Variants in CADPS observed in about 807,000 individuals in gnomAD.
The protein encoded by CADPS is calcium-dependent secretion activator 1.
A neutral mutation model predicts 167.3 loss-of-function variants in CADPS; 57 were observed. The ratio of observed to expected loss-of-function variants is 0.34; its 90% CI spans 0.28 to 0.42. The LOEUF is 0.42. Ranked by LOEUF, CADPS falls within the 20% of genes least tolerant of loss-of-function variation. The pLI is 1.00. For missense variants in CADPS, 1,414 were observed against 1,738.1 expected, an observed-to-expected ratio of 0.81 and a Z score of 3.32; for synonymous variants, 676 against 635.3, an observed-to-expected ratio of 1.06 and a Z score of -0.96.
At position 62,514,838 on chromosome 3, in the gene CADPS, C is replaced by T. The variant is rs1175789748; in HGVS notation, c.2581+1221G>A. Among the ~76,000 whole-genome samples the T allele has an allele frequency of 2.0e-5, 3 of 152,222 alleles. No homozygotes were observed. The highest frequency in any genetic ancestry group is 3.9e-4 in the East Asian group (2 of 5,170). On this transcript the variant is annotated intron_variant, in intron 16 of 29. Coordinates refer to ENST00000383710, the MANE Select transcript of CADPS (RefSeq NM_003716.4). The surrounding 1 kb of genome is among the most constrained non-coding windows in gnomAD (Gnocchi z 4.2). ...CGTCCTGGGACAGTAAATGCTGGAA[C>T]AATTATTTGCTAATATAGCCCTTTA...
At chr3:62,566,003 G>A (rs148118540) in intron 9 of CADPS, among the ~76,000 whole-genome samples, 2,523 of 152,256 alleles carry the variant, frequency 0.017, 33 homozygotes, top group Non-Finnish European at 0.027. Context: ...GACAATTTTC[G>A]TTGTTTTAAA....
intron 11 of CADPS, 98 bp downstream of exon 11, chr3:62,549,805 A>G (rs1257657600): frequency 4.4e-6 from 4 of 915,866 alleles, no homozygotes; most frequent in East Asian, 2.5e-5. Context: ...ATGATTTTAT[A>G]AATTTTAAGT....
chr3:62,655,971 C>G (rs2071453980), intron 4 of CADPS, among the ~76,000 whole-genome samples: 1 of 152,092 alleles, frequency 6.6e-6, no homozygotes, highest in African/African-American at 2.4e-5. Flanking sequence ...TCAAGGAACT[C>G]ATCCAGTCCA....
intron 9 of CADPS, among the ~76,000 whole-genome samples, chr3:62,566,487 C>G (rs1056958307): frequency 3.3e-5 from 5 of 152,156 alleles, no homozygotes; most frequent in African/African-American, 1.2e-4. Context: ...CTTGAACTTT[C>G]CTCCTGCAGC....
At chr3:62,793,953 T>C (rs1407020402) in intron 1 of CADPS, among the ~76,000 whole-genome samples, 1 of 152,264 alleles carries the variant, frequency 6.6e-6, no homozygotes, top group South Asian at 2.1e-4. Context: ...AGCCAAGAAG[T>C]CCAGGCAAAA....
chr3:62,840,902 C>T (rs565968396), intron 1 of CADPS, among the ~76,000 whole-genome samples: 130 of 152,262 alleles, frequency 8.5e-4, no homozygotes, highest in Admixed American at 1.8e-3. Context: ...CTGCTAATCT[C>T]TTGTGATATA....
chr3:62,572,597 C>T (rs1157749225), intron 8 of CADPS, among the ~76,000 whole-genome samples: 8 of 152,178 alleles, frequency 5.3e-5, no homozygotes, highest in African/African-American at 1.9e-4. Context: ...GGTCCCACAT[C>T]TGTTCACCTA....
chr3:62,539,578 G>GA (rs1405524218), intron 11 of CADPS, among the ~76,000 whole-genome samples: 1 of 151,640 alleles, frequency 6.6e-6, no homozygotes, highest in Non-Finnish European at 1.5e-5. Context: ...AGGTGCTAAT[G>GA]AAAAAAATCT....
chr3:62,857,455 G>T (rs1996092), intron 1 of CADPS, among the ~76,000 whole-genome samples: 3,469 of 152,022 alleles, frequency 0.023, 54 homozygotes, highest in East Asian at 0.066. Flanking sequence ...AGAATGTATA[G>T]AGTAGTAAAA....
chr3:62,516,099 T>A lies in CADPS; in HGVS notation c.2541A>T (p.Leu847Phe), dbSNP rs1161100134. 4 of 1,613,324 alleles carry A rather than the reference T, an allele frequency of 2.5e-6. No homozygotes were observed. Among genetic ancestry groups the A allele is most frequent in the Non-Finnish European group, 3.4e-6 (4 of 1,179,444 alleles). ...ACTCTGAGAGCCGAGAATAGTTGAC[T>A]AACGCAGCCTGTTCCAGACATTTAC... is the stretch of plus-strand genomic sequence containing the variant. ...VIRKCLEQAA[L>F]VNYSRLSEYA... Residue 847 changes from leucine (L) to phenylalanine (F), a missense_variant, in exon 16 of 30, where the codon TTA becomes TTT. This residue lies in a region of CADPS where 529 missense variants were observed against 629.6 expected (regional missense o/e 0.84). Coordinates refer to ENST00000383710, the MANE Select transcript of CADPS (RefSeq NM_003716.4).
At position 62,696,622 on chromosome 3, in the gene CADPS, G is replaced by A. The variant is rs150522004; in HGVS notation, c.889-34228C>T. ...CTCTAGGGGATGGGGGCTGCTGCCCGTCATTGCTGCCTATATGATATCTTA... is the reference window on the plus strand; with the variant it reads ...CTCTAGGGGATGGGGGCTGCTGCCCATCATTGCTGCCTATATGATATCTTA... On this transcript the variant is annotated intron_variant, in intron 3 of 29. Transcript: ENST00000383710. 2.2e-3 allele frequency among the ~76,000 whole-genome samples: 341 copies of A among 152,176 alleles called. 3 individuals carry two copies. The highest frequency in any genetic ancestry group is 7.9e-3 in the African/African-American group (330 of 41,516).
At chr3:62,518,983 A>G (rs2367087) in intron 13 of CADPS, among the ~76,000 whole-genome samples, 100,079 of 152,058 alleles carry the variant, frequency 0.66, 35,259 homozygotes, top group Non-Finnish European at 0.79. Context: ...AAATGATTTC[A>G]GTTTGATCAT....
intron 9 of CADPS, among the ~76,000 whole-genome samples, chr3:62,563,673 C>T (rs1577888565): frequency 6.6e-6 from 1 of 152,114 alleles, no homozygotes; most frequent in Admixed American, 6.5e-5. Context: ...AATTTGTGGT[C>T]TTTTATCCCT....
Position 62,434,788 on chromosome 3 carries a change from A to T in CADPS, c.3777+3316T>A, listed in dbSNP as rs1315251570. ...ACCAGCTATTAATCCAAATATTCTC[A>T]AATACAAACACACACTAAAACCATC... On this transcript the variant is annotated intron_variant, in intron 28 of 29. Transcript: ENST00000383710. Among the ~76,000 whole-genome samples, 3 of 152,172 alleles carry T rather than the reference A, an allele frequency of 2.0e-5. No individual in the cohort carries two copies. The East Asian group carries it at 5.8e-4, about 29-fold the overall frequency.
chr3:62,405,446 A>C (rs1361936342), intron 28 of CADPS, among the ~76,000 whole-genome samples: 1 of 82,630 alleles, frequency 1.2e-5, no homozygotes, highest in Non-Finnish European at 3.1e-5. Context: ...GCCACCTTTC[A>C]GGAAAAAAAA....
intron 27 of CADPS, among the ~76,000 whole-genome samples, chr3:62,443,538 G>A (rs1225235884): frequency 6.6e-6 from 1 of 152,078 alleles, no homozygotes; most frequent in South Asian, 2.1e-4. Flanking sequence ...TCATGGGAGG[G>A]ACCCAGTAGG....
intron 9 of CADPS, among the ~76,000 whole-genome samples, chr3:62,565,017 T>G (rs778839872): frequency 6.6e-5 from 10 of 152,336 alleles, no homozygotes; most frequent in Non-Finnish European, 1.3e-4. Flanking sequence ...ACTGTTCTCC[T>G]TACACACACA....
chr3:62,415,612 T>C (rs949160810), intron 28 of CADPS, among the ~76,000 whole-genome samples: 1 of 152,224 alleles, frequency 6.6e-6, no homozygotes, highest in Non-Finnish European at 1.5e-5. Context: ...AGGGCTGGGC[T>C]GTCAGCGGGG....
chr3:62,706,966 A>G (rs2082422213), intron 3 of CADPS, among the ~76,000 whole-genome samples: 1 of 152,102 alleles, frequency 6.6e-6, no homozygotes, highest in Non-Finnish European at 1.5e-5. Flanking sequence ...CATGTAACAA[A>G]ACTGCATTTC....
Sources: allele counts gnomAD v4.1 joint callset (sites outside exome capture counted in the v4.1 genomes callset), GRCh38; gene constraint gnomAD v4.1.1; regional missense constraint gnomAD v4.1.1; non-coding constraint Gnocchi (gnomAD v3.1); transcripts MANE v1.5; gene names NCBI Gene and HGNC (gene_info 2026-07-23, HGNC 2026-07-21).